Variants in INO80D observed in about 807,000 individuals in gnomAD.
INO80D encodes the protein INO80 complex subunit D.
A neutral mutation model predicts 87.6 loss-of-function variants in INO80D; 21 were observed. The observed-to-expected ratio is 0.24, with a 90% CI of 0.17 to 0.35. INO80D has a LOEUF of 0.35. INO80D is among the 10% of genes least tolerant of loss of function. The probability of loss-of-function intolerance (pLI) is 1.00; values close to 1 mark genes in which losing one functional copy is unlikely to be tolerated. For synonymous variants in INO80D, 440 were observed against 491.0 expected (o/e 0.90, Z 1.37); for missense variants, 982 against 1,280.7 (o/e 0.77, Z 3.56).
intron 9 of INO80D, 139 bp from the exon 10 acceptor site, chr2:206,007,580 G>T: frequency 1.1e-6 from 1 of 941,264 alleles, no homozygotes; most frequent in Non-Finnish European, 1.6e-6. Flanking sequence ...CCAGCACTTT[G>T]GGAGGCCAAG....
chr2:206,084,278 A>C (rs1690372907), intron 1 of INO80D, among the ~76,000 whole-genome samples: 1 of 141,612 alleles, frequency 7.1e-6, no homozygotes, highest in Non-Finnish European at 1.5e-5. Flanking sequence ...CACACACCCC[A>C]AAACCAAAGT....
At chr2:206,074,976 T>G (rs1161300433) in intron 1 of INO80D, among the ~76,000 whole-genome samples, 2 of 143,544 alleles carry the variant, frequency 1.4e-5, no homozygotes, top group Admixed American at 1.4e-4. Flanking sequence ...GAGGCAGAGG[T>G]TGCTGTGAGC....
At chr2:206,068,643 CTT>C (rs1559462989) in intron 1 of INO80D, among the ~76,000 whole-genome samples, 3 of 152,088 alleles carry the variant, frequency 2.0e-5, no homozygotes, top group African/African-American at 7.2e-5. Context: ...AGATGCAACT[CTT>C]GTTGGGTTTG....
At chr2:206,080,925 AAAG>A (rs1358210503) in intron 1 of INO80D, among the ~76,000 whole-genome samples, 3 of 150,556 alleles carry the variant, frequency 2.0e-5, no homozygotes, top group Non-Finnish European at 3.0e-5. Context: ...AAAAAAAAAA[AAAG>A]AATATTAAAA....
intron 5 of INO80D, among the ~76,000 whole-genome samples, chr2:206,035,558 C>T (rs1215995188): frequency 8.6e-5 from 13 of 151,990 alleles, no homozygotes; most frequent in Non-Finnish European, 1.9e-4. Context: ...GAAACCGGAT[C>T]CTCTCACCTT....
intron 6 of INO80D, among the ~76,000 whole-genome samples, chr2:206,021,135 T>A (rs1181560415): frequency 1.3e-5 from 2 of 152,112 alleles, no homozygotes; most frequent in Admixed American, 1.3e-4. Context: ...AGGAAAAAAA[T>A]CTACTTAACA....
intron 6 of INO80D, among the ~76,000 whole-genome samples, chr2:206,027,581 A>G (rs1688651888): frequency 6.6e-6 from 1 of 152,052 alleles, no homozygotes; most frequent in Admixed American, 6.6e-5. Context: ...TCACATGCCT[A>G]TAGTCCCAGC....
intron 9 of INO80D, 74 bp from the exon 10 acceptor site, chr2:206,007,515 T>C: frequency 6.7e-7 from 1 of 1,499,586 alleles, no homozygotes; most frequent in Non-Finnish European, 9.0e-7. Flanking sequence ...CCAAGTTCAT[T>C]CAACATGAAA....
intron 4 of INO80D, among the ~76,000 whole-genome samples, chr2:206,050,119 C>T (rs545348182): frequency 4.6e-5 from 7 of 151,562 alleles, no homozygotes; most frequent in Admixed American, 3.3e-4. Flanking sequence ...GGCAACACAG[C>T]GAGACTCTAT....
chr2:205,998,649 T>C lies in INO80D; in HGVS notation c.*5719A>G, dbSNP rs1687851274. The C allele has an allele frequency of 6.6e-6, 1 of 152,070 alleles. No individual in the cohort carries two copies. The highest frequency in any genetic ancestry group is 2.4e-5 in the African/African-American group (1 of 41,410). The allele number at this position is 152,070 out of a possible 1,614,324, so 9.4% of individuals were successfully genotyped here. A position where few individuals can be genotyped will look rare whatever the true frequency, so the allele number is the denominator to read the frequency against. ...CTCATTGGGGAAGGAAATTTTTAAA[T>C]AAAAGTTTTAAAGCTGTGCGTGATG... On this transcript the variant is annotated 3_prime_UTR_variant, in exon 11 of 11. Transcript: ENST00000403263.
intron 5 of INO80D, among the ~76,000 whole-genome samples, chr2:206,028,943 A>G (rs1450628594): frequency 2.0e-5 from 3 of 150,732 alleles, no homozygotes; most frequent in Non-Finnish European, 3.0e-5. Context: ...GCTGGAGTGC[A>G]GTGATGCGAT....
chr2:206,005,724 A>C (rs1220445853), intron 10 of INO80D, among the ~76,000 whole-genome samples, 191 bp from the exon 11 acceptor site: 1 of 152,234 alleles, frequency 6.6e-6, no homozygotes, highest in African/African-American at 2.4e-5. Flanking sequence ...AACGTCAGCT[A>C]CCTAGGAATT....
At chr2:206,080,636 G>A (rs531443393) in intron 1 of INO80D, among the ~76,000 whole-genome samples, 110 of 152,036 alleles carry the variant, frequency 7.2e-4, no homozygotes, top group Middle Eastern at 3.4e-3. Context: ...GGCCGGGCGC[G>A]GTGGCTCACG....
At position 206,085,803 on chromosome 2, in the gene INO80D, C is replaced by A. The variant is rs538923317; in HGVS notation, c.-124+98G>T. 1 of 151,954 alleles carries A rather than the reference C, an allele frequency of 6.6e-6. No individual in the cohort carries two copies. Among genetic ancestry groups the A allele is most frequent in the African/African-American group, 2.4e-5 (1 of 41,390 alleles). The allele number at this position is 151,954 out of a possible 1,614,324, so 9.4% of individuals were successfully genotyped here. On this transcript the variant is annotated intron_variant, in intron 1 of 10. Coordinates refer to ENST00000403263, the MANE Select transcript of INO80D (RefSeq NM_017759.5). This position sits in a 1 kb window ranked among gnomAD's most constrained non-coding sequence, Gnocchi z 4.5. ...GTGGGCCGGCGAATCCCCGGCCTCA[C>A]GTAAGCGCGCTCGCCGCCCGCCCAG...
At chr2:206,078,435 G>A (rs1343549854) in intron 1 of INO80D, among the ~76,000 whole-genome samples, 2 of 151,990 alleles carry the variant, frequency 1.3e-5, no homozygotes, top group South Asian at 4.1e-4. Flanking sequence ...AATAAAAGAA[G>A]ATAAAAATCC....
rs1438636431 is a variant in INO80D, at chr2:206,004,291, G to A, written c.*77C>T. ...ATCTGTTATATCTTCTTTAGGAAAA[G>A]GGGAGAGGGGTGCTAAAGAGGAAAC... On this transcript the variant is annotated 3_prime_UTR_variant, in exon 11 of 11. Transcript: ENST00000403263. This position sits in a 1 kb window ranked among gnomAD's most constrained non-coding sequence, Gnocchi z 4.9. 13 of 1,307,532 alleles carry A rather than the reference G, an allele frequency of 9.9e-6. No individual in the cohort carries two copies. Among genetic ancestry groups the A allele is most frequent in the Non-Finnish European group, 1.3e-5 (12 of 940,390 alleles). The allele number at this position is 1,307,532 out of a possible 1,614,324, so 81.0% of individuals were successfully genotyped here.
At chr2:206,015,497 A>G (rs1688293049) in intron 8 of INO80D, among the ~76,000 whole-genome samples, 1 of 152,222 alleles carries the variant, frequency 6.6e-6, no homozygotes, top group Non-Finnish European at 1.5e-5. Flanking sequence ...GGAAGCCCCA[A>G]GCCTTGGCAG....
intron 3 of INO80D, among the ~76,000 whole-genome samples, chr2:206,057,209 T>C (rs1363131977): frequency 6.6e-6 from 1 of 152,216 alleles, no homozygotes. Context: ...CCTGGATAAC[T>C]GCTCAGCTAC....
At chr2:206,050,796 C>A (rs377004936) in intron 4 of INO80D, among the ~76,000 whole-genome samples, 1 of 151,972 alleles carries the variant, frequency 6.6e-6, no homozygotes, top group African/African-American at 2.4e-5. Flanking sequence ...GTGAAACCCC[C>A]GTCTCTACTA....
Sources: allele counts gnomAD v4.1 joint callset (sites outside exome capture counted in the v4.1 genomes callset), GRCh38; gene constraint gnomAD v4.1.1; non-coding constraint Gnocchi (gnomAD v3.1); transcripts MANE v1.5; gene names NCBI Gene and HGNC (gene_info 2026-07-23, HGNC 2026-07-21).